The following COL7A1 variants were observed in gnomAD, a reference collection of about 807,000 sequenced individuals.
COL7A1 encodes the protein collagen alpha-1(VII) chain.
COL7A1 carries 296 observed loss-of-function variants against 456.2 expected under a neutral mutation model. That is an observed-to-expected ratio of 0.65 (90% CI 0.59 to 0.71). The LOEUF (loss-of-function observed/expected upper bound fraction) is 0.71, where lower values mean the gene tolerates loss of function less well. Among genes scored for constraint, COL7A1 ranks in the 30% least tolerant of loss-of-function variants. The pLI, the probability that COL7A1 is intolerant of heterozygous loss-of-function variation, is 0.00. For missense variants in COL7A1, 3,441 were observed against 4,017.2 expected, an observed-to-expected ratio of 0.86 and a Z score of 3.88; for synonymous variants, 1,464 against 1,525.9, an observed-to-expected ratio of 0.96 and a Z score of 0.95.
In COL7A1 at chr3:48,581,966, C is replaced by T. The variant is rs1413590425; in HGVS notation, c.4636-23G>A. 7 of 1,614,000 alleles carry T rather than the reference C, an allele frequency of 4.3e-6. No individual in the cohort carries two copies. In the Admixed American group the frequency reaches 1.2e-4, roughly 27 times the overall value. ...TCCCTGAAAACAAACAGGACAGATA[C>T]AGCTTGGCCCTGCCTTGGGGTTGTA... On this transcript the variant is annotated intron_variant, in intron 47 of 118. Coordinates refer to ENST00000681320, the MANE Select transcript of COL7A1 (RefSeq NM_000094.4). The surrounding 1 kb of genome is among the most constrained non-coding windows in gnomAD (Gnocchi z 5.8).
chr3:48,580,431 T>G lies in COL7A1; in HGVS notation c.5053-87A>C. On this transcript the variant is annotated intron_variant, in intron 55 of 118. Coordinates refer to ENST00000681320, the MANE Select transcript of COL7A1 (RefSeq NM_000094.4). The surrounding 1 kb of genome is among the most constrained non-coding windows in gnomAD (Gnocchi z 4.5). ...GCACCATGAGGACTCATGGGAATGT[T>G]GGTAGCCTTCAGATGCGTGTGTGCA... 1 of 1,532,218 alleles carries G rather than the reference T, an allele frequency of 6.5e-7. No individual in the cohort carries two copies. Among genetic ancestry groups the G allele is most frequent in the Non-Finnish European group, 8.9e-7 (1 of 1,118,872 alleles). 94.9% of individuals were successfully genotyped at this position (1,532,218 alleles called of 1,614,324 possible).
In COL7A1 at chr3:48,582,776, G is replaced by C. The variant is rs550905315; in HGVS notation, c.4519-123C>G. On this transcript the variant is annotated intron_variant, in intron 44 of 118. Transcript: ENST00000681320. ...GGAAGATTGGGATTTAGGTTGGCAG[G>C]GGTAAGACTTGGCAGGAGAACAGAG... The C allele has an allele frequency of 4.0e-5, 48 of 1,208,258 alleles. No individual in the cohort carries two copies. In the African/African-American group the frequency reaches 6.6e-4, roughly 17 times the overall value. 74.8% of individuals were successfully genotyped at this position (1,208,258 alleles called of 1,614,324 possible). A position where few individuals can be genotyped will look rare whatever the true frequency, so the allele number is the denominator to read the frequency against.
chr3:48,564,164 C>A lies in COL7A1; in HGVS notation c.*242G>T. ...GGGGCGGGTCAGACGCCAGTCACAT[C>A]CGCTCACTGCCCACAGCCACCCCCC... On this transcript the variant is annotated 3_prime_UTR_variant, in exon 119 of 119. Transcript: ENST00000681320. The surrounding 1 kb of genome is among the most constrained non-coding windows in gnomAD (Gnocchi z 6.0). 1 of 608,272 alleles carries A rather than the reference C, an allele frequency of 1.6e-6. No homozygotes were observed. Among genetic ancestry groups the A allele is most frequent in the Non-Finnish European group, 3.0e-6 (1 of 332,742 alleles). The allele number at this position is 608,272 out of a possible 1,614,324, so 37.7% of individuals were successfully genotyped here.
chr3:48,570,612 G>A lies in COL7A1; in HGVS notation c.7344+27C>T, dbSNP rs764994717. The A allele has an allele frequency of 2.9e-5, 47 of 1,610,706 alleles. No individual in the cohort carries two copies. The highest frequency in any genetic ancestry group is 1.1e-4 in the African/African-American group (8 of 74,754). ...CTCACGAGGACAGGAAATCAAATAC[G>A]TGGGGCTTTAGGGCACCTCTACTCA... is the stretch of plus-strand genomic sequence containing the variant. On this transcript the variant is annotated intron_variant, in intron 96 of 118. Transcript: ENST00000681320. The surrounding 1 kb of genome is among the most constrained non-coding windows in gnomAD (Gnocchi z 5.5).
chr3:48,570,694 G>A lies in COL7A1; in HGVS notation c.7289C>T (p.Pro2430Leu), dbSNP rs1209036883. 4 of 1,581,828 alleles carry A rather than the reference G, an allele frequency of 2.5e-6. No homozygotes were observed. The highest frequency in any genetic ancestry group is 3.4e-6 in the Non-Finnish European group (4 of 1,162,848). ...PSGERGLAGP[P>L]GREGIPGPLG... ...GGGTCCTGGGATTCCTTCTCTCCCT[G>A]GGGGGCCTGCCAGACCCTACCAGAA... The change falls in exon 96 of 119, where the codon CCA (proline) becomes CTA (leucine). Residue 2430 changes from proline (P) to leucine (L), a missense_variant. Around this residue, in one of 3 missense-constraint regions of COL7A1, gnomAD observed 2,084 missense variants for 2,501.3 expected, o/e 0.83. Transcript: ENST00000681320. The surrounding 1 kb of genome is among the most constrained non-coding windows in gnomAD (Gnocchi z 5.5).
Position 48,586,721 on chromosome 3 carries a change from G to A in COL7A1, c.3277-32C>T. 6.4e-7 allele frequency: 1 copy of A among 1,557,742 alleles called. No homozygotes were observed. Among genetic ancestry groups the A allele is most frequent in the Non-Finnish European group, 8.7e-7 (1 of 1,150,226 alleles). ...TGGAAGGAAACACAGAGCCTGAGGA[G>A]GATGACAGAGCAGGGATGGGGGTGC... On this transcript the variant is annotated intron_variant, in intron 25 of 118. Coordinates refer to ENST00000681320, the MANE Select transcript of COL7A1 (RefSeq NM_000094.4). The surrounding 1 kb of genome is among the most constrained non-coding windows in gnomAD (Gnocchi z 5.1).
intron 36 of COL7A1, 41 bp downstream of exon 36, chr3:48,584,444 C>T (rs2045067533): frequency 5.6e-6 from 9 of 1,613,492 alleles, no homozygotes; most frequent in Non-Finnish European, 7.6e-6. Context: ...GTGTTGGTCC[C>T]CCCACTACAC....
At position 48,579,786 on chromosome 3, in the gene COL7A1, T is replaced by A. The variant is rs1445325325; in HGVS notation, c.5153A>T (p.Lys1718Met). Residue 1718 changes from lysine to methionine, a missense_variant and splice_region_variant, in exon 58 of 119, where the codon AAG (lysine) becomes ATG (methionine). By Grantham distance (95) the Lys-to-Met change is moderately conservative. Coordinates refer to ENST00000681320, the MANE Select transcript of COL7A1 (RefSeq NM_000094.4). This position sits in a 1 kb window ranked among gnomAD's most constrained non-coding sequence, Gnocchi z 4.4. ...CCCTCCACCCACAGACCCTAATACC[T>A]TCTCTCTGGCTCCAGGTCCTGTGTC... ...LVDTGPGARE[K>M]GEPGDRGQEG... 1 of 1,613,984 alleles carries A rather than the reference T, an allele frequency of 6.2e-7. No homozygotes were observed. The highest frequency in any genetic ancestry group is 8.5e-7 in the Non-Finnish European group (1 of 1,179,998).
chr3:48,583,373 A>G lies in COL7A1; in HGVS notation c.4437+20T>C, dbSNP rs2044926723. ...CCAGAGTAGCACCCCTCACACCTGA[A>G]TCCCCCAACTGGTACTCACTTTGGG... On this transcript the variant is annotated intron_variant, in intron 42 of 118. Coordinates refer to ENST00000681320, the MANE Select transcript of COL7A1 (RefSeq NM_000094.4). This position sits in a 1 kb window ranked among gnomAD's most constrained non-coding sequence, Gnocchi z 5.1. 1 of 1,613,966 alleles carries G rather than the reference A, an allele frequency of 6.2e-7. No homozygotes were observed. The highest frequency in any genetic ancestry group is 1.1e-5 in the South Asian group (1 of 91,074).
At chr3:48,582,544 G>T (rs1560237089) in intron 45 of COL7A1, 31 bp from the exon 46 acceptor site, 1 of 1,614,030 alleles carries the variant, frequency 6.2e-7, no homozygotes, top group Non-Finnish European at 8.5e-7. Context: ...AGCCCAGGAG[G>T]GGAAGGGAAA....
At position 48,590,561 on chromosome 3, in the gene COL7A1, G is replaced by C. The variant is rs372132703; in HGVS notation, c.1804C>G (p.Pro602Ala). The change falls in exon 15 of 119, where the codon CCA (proline) becomes GCA (alanine). Residue 602 changes from proline (P) to alanine (A), a missense_variant. Coordinates refer to ENST00000681320, the MANE Select transcript of COL7A1 (RefSeq NM_000094.4). This position sits in a 1 kb window ranked among gnomAD's most constrained non-coding sequence, Gnocchi z 4.6. The stretch of plus-strand genomic sequence containing the variant: ...TCTGACACCACAACCCGCAGCCCTG[G>C]AACAGCAAGTGGAGTTTCCGGCTCT... ...RREPETPLAV[P>A]GLRVVVSDAT... is the part of the protein sequence containing the mutation. 1.9e-6 allele frequency: 3 copies of C among 1,614,026 alleles called. No homozygotes were observed. The highest frequency in any genetic ancestry group is 2.5e-6 in the Non-Finnish European group (3 of 1,180,046).
In COL7A1 at chr3:48,583,690, T is replaced by C. The variant is rs751754397; in HGVS notation, c.4341+28A>G. 1.9e-5 allele frequency: 31 copies of C among 1,613,906 alleles called. No homozygotes were observed. The highest frequency in any genetic ancestry group is 2.5e-5 in the Non-Finnish European group (30 of 1,179,914). On this transcript the variant is annotated intron_variant, in intron 40 of 118. Coordinates refer to ENST00000681320, the MANE Select transcript of COL7A1 (RefSeq NM_000094.4). This position sits in a 1 kb window ranked among gnomAD's most constrained non-coding sequence, Gnocchi z 5.1. ...AGCACGCAGCCTCCCACCCCAGAACTGGGACATCATCAAGTCAGCCTTCCT... is the reference window on the plus strand; with the variant it reads ...AGCACGCAGCCTCCCACCCCAGAACCGGGACATCATCAAGTCAGCCTTCCT...
chr3:48,575,081 C>CG lies in COL7A1; in HGVS notation c.6261dup (p.Gly2088ArgfsTer11), dbSNP rs759377024. 1 of 1,613,330 alleles carries CG rather than the reference C, an allele frequency of 6.2e-7. No homozygotes were observed. ...GTGATCACCTTGGGGCCAGGGGGTCCGGGGGGCCCAGGGGTTCCAGGGAGT... is the reference window on the plus strand; with the variant it reads ...GTGATCACCTTGGGGCCAGGGGGTCCGGGGGGGCCCAGGGGTTCCAGGGAGT... On this transcript the variant is annotated frameshift_variant, in exon 76 of 119. Transcript: ENST00000681320. LOFTEE classifies it high-confidence loss of function. The surrounding 1 kb of genome is among the most constrained non-coding windows in gnomAD (Gnocchi z 6.3).
Position 48,567,680 on chromosome 3 carries a change from C to T in COL7A1, c.7983+30G>A, listed in dbSNP as rs2043667278. Reference sequence around the variant, plus strand: ...GAACTTGGCCCCCGTCCACCCGTGGCCCCCTCATTCTGAGCGTGCCCACAC... The same window carrying T: ...GAACTTGGCCCCCGTCCACCCGTGGTCCCCTCATTCTGAGCGTGCCCACAC... On this transcript the variant is annotated intron_variant, in intron 108 of 118. Coordinates refer to ENST00000681320, the MANE Select transcript of COL7A1 (RefSeq NM_000094.4). This position sits in a 1 kb window ranked among gnomAD's most constrained non-coding sequence, Gnocchi z 4.3. 1 of 1,613,964 alleles carries T rather than the reference C, an allele frequency of 6.2e-7. No homozygotes were observed. The highest frequency in any genetic ancestry group is 1.3e-5 in the African/African-American group (1 of 74,886).
chr3:48,587,403 C>A lies in COL7A1; in HGVS notation c.2992+17G>T, dbSNP rs770882543. 4 of 1,613,194 alleles carry A rather than the reference C, an allele frequency of 2.5e-6. No homozygotes were observed. The East Asian group carries it at 6.7e-5, about 27-fold the overall frequency. The stretch of plus-strand genomic sequence containing the variant: ...GCCCCAACTGCCAGCCCACCCAAAT[C>A]CTGGCCTCCCCCTCACCCTGGCCAG... On this transcript the variant is annotated intron_variant, in intron 23 of 118. Transcript: ENST00000681320. The surrounding 1 kb of genome is among the most constrained non-coding windows in gnomAD (Gnocchi z 6.1).
intron 70 of COL7A1, 35 bp from the exon 71 acceptor site, chr3:48,576,331 C>T (rs775287294): frequency 1.4e-4 from 233 of 1,613,844 alleles, no homozygotes; most frequent in Non-Finnish European, 1.9e-4. Context: ...AGGAACCAGC[C>T]TATGGGTGTG....
Position 48,594,296 on chromosome 3 carries a change from G to A in COL7A1, c.266+72C>T. 6.4e-7 allele frequency: 1 copy of A among 1,567,684 alleles called. No individual in the cohort carries two copies. Among genetic ancestry groups the A allele is most frequent in the African/African-American group, 1.3e-5 (1 of 74,220 alleles). On this transcript the variant is annotated intron_variant, in intron 3 of 118. Transcript: ENST00000681320. This position sits in a 1 kb window ranked among gnomAD's most constrained non-coding sequence, Gnocchi z 5.5. ...AAAGACCTGGCCTGGGGTTTCCAGG[G>A]TCTCCTCCCTCTCTGGGGAAGGAGT... is the stretch of plus-strand genomic sequence containing the variant.
Position 48,565,785 on chromosome 3 carries a change from G to T in COL7A1, c.8408-117C>A. The T allele has an allele frequency of 1.0e-6, 1 of 975,096 alleles. No individual in the cohort carries two copies. Among genetic ancestry groups the T allele is most frequent in the Non-Finnish European group, 1.6e-6 (1 of 634,556 alleles). The allele number at this position is 975,096 out of a possible 1,614,324, so 60.4% of individuals were successfully genotyped here. A position where few individuals can be genotyped will look rare whatever the true frequency, so the allele number is the denominator to read the frequency against. On this transcript the variant is annotated intron_variant, in intron 114 of 118. Coordinates refer to ENST00000681320, the MANE Select transcript of COL7A1 (RefSeq NM_000094.4). This position sits in a 1 kb window ranked among gnomAD's most constrained non-coding sequence, Gnocchi z 4.5. ...AGATACACAAAGAGATAGCAGGAGA[G>T]GGTAACAGGAGAGAGAGGAAGAGAG...
At position 48,578,638 on chromosome 3, in the gene COL7A1, C is replaced by T; in HGVS notation, c.5425-123G>A. On this transcript the variant is annotated intron_variant, in intron 63 of 118. Transcript: ENST00000681320. This position sits in a 1 kb window ranked among gnomAD's most constrained non-coding sequence, Gnocchi z 4.7. ...GTAGAGACCCCCAGGACTGAGAGGT[C>T]CCATTGAGATCCCTCAGGCACAGAC... The T allele has an allele frequency of 8.6e-7, 1 of 1,158,246 alleles. No individual in the cohort carries two copies. Among genetic ancestry groups the T allele is most frequent in the Non-Finnish European group, 1.3e-6 (1 of 794,754 alleles). The allele number at this position is 1,158,246 out of a possible 1,614,324, so 71.7% of individuals were successfully genotyped here.
Sources: allele counts gnomAD v4.1 joint callset, GRCh38; gene constraint gnomAD v4.1.1; regional missense constraint gnomAD v4.1.1; non-coding constraint Gnocchi (gnomAD v3.1); transcripts MANE v1.5; gene names NCBI Gene and HGNC (gene_info 2026-07-23, HGNC 2026-07-21).